Variants in SNTB1 observed in about 807,000 individuals in gnomAD.
The protein encoded by SNTB1 is beta-1-syntrophin.
Under a neutral mutation model 48.9 loss-of-function variants are expected in SNTB1, and 36 were observed. The ratio of observed to expected loss-of-function variants is 0.74; its 90% confidence interval spans 0.56 to 0.97. The LOEUF (loss-of-function observed/expected upper bound fraction) is 0.97. Ranked by LOEUF, SNTB1 falls within the 50% of genes least tolerant of loss-of-function variation. SNTB1 has a pLI of 0.00. For synonymous variants in SNTB1, 299 were observed against 294.6 expected, an observed-to-expected ratio of 1.01 and a Z score of -0.15; for missense variants, 786 against 703.4, an observed-to-expected ratio of 1.12 and a Z score of -1.33.
intron 3 of SNTB1, among the ~76,000 whole-genome samples, chr8:120,596,414 G>A (rs1039265993): frequency 3.9e-5 from 6 of 152,168 alleles, no homozygotes; most frequent in African/African-American, 9.7e-5. Context: ...GTTTACAGTG[G>A]TGTGTTAATT....
intron 1 of SNTB1, among the ~76,000 whole-genome samples, chr8:120,775,828 T>A (rs367548069): frequency 6.6e-6 from 1 of 152,074 alleles, no homozygotes; most frequent in Non-Finnish European, 1.5e-5. Flanking sequence ...CAGAGGACCA[T>A]GTAACAGGGT....
chr8:120,681,725 G>C (rs1460356058), intron 2 of SNTB1, among the ~76,000 whole-genome samples: 1 of 152,102 alleles, frequency 6.6e-6, no homozygotes, highest in Non-Finnish European at 1.5e-5. Flanking sequence ...GGTAAGGCTT[G>C]GTTCACCAAG....
intron 4 of SNTB1, among the ~76,000 whole-genome samples, chr8:120,572,645 A>G (rs1587001769): frequency 2.6e-5 from 4 of 152,116 alleles, no homozygotes; most frequent in African/African-American, 9.7e-5. Context: ...TCCCAGCACT[A>G]TGGGAGGCCG....
At chr8:120,785,335 CG>C (rs998320369) in intron 1 of SNTB1, among the ~76,000 whole-genome samples, 1 of 152,154 alleles carries the variant, frequency 6.6e-6, no homozygotes, top group Non-Finnish European at 1.5e-5. Flanking sequence ...GGTTATGGCC[CG>C]GGGCAGTTTT....
intron 1 of SNTB1, among the ~76,000 whole-genome samples, chr8:120,702,078 T>C (rs1002879465): frequency 2.0e-5 from 3 of 152,248 alleles, no homozygotes; most frequent in African/African-American, 7.2e-5. Flanking sequence ...TTGGTTTAGT[T>C]ATTAATTAAT....
intron 1 of SNTB1, among the ~76,000 whole-genome samples, chr8:120,797,163 AT>A (rs1191325084): frequency 6.6e-6 from 1 of 152,064 alleles, no homozygotes; most frequent in East Asian, 1.9e-4. Context: ...ATACAGAGTG[AT>A]AAACACACCG....
intron 3 of SNTB1, among the ~76,000 whole-genome samples, chr8:120,590,876 G>A (rs1816229767): frequency 1.3e-5 from 2 of 151,628 alleles, no homozygotes; most frequent in East Asian, 1.9e-4. Flanking sequence ...TAGTAGAGAC[G>A]GGGTTTCACC....
intron 2 of SNTB1, among the ~76,000 whole-genome samples, chr8:120,652,893 C>G (rs1817432211): frequency 6.6e-6 from 1 of 152,182 alleles, no homozygotes; most frequent in African/African-American, 2.4e-5. Flanking sequence ...CTATAGGTCT[C>G]TCTTAGAAAT....
At chr8:120,755,173 A>T (rs4871128) in intron 1 of SNTB1, among the ~76,000 whole-genome samples, 2,329 of 72,252 alleles carry the variant, frequency 0.032, 21 homozygotes, top group African/African-American at 0.12. Context: ...TGTGTGTGTG[A>T]GAGAGAGAGA....
At chr8:120,577,396 CA>C (rs1358972149) in intron 3 of SNTB1, among the ~76,000 whole-genome samples, 1 of 152,172 alleles carries the variant, frequency 6.6e-6, no homozygotes, top group African/African-American at 2.4e-5. Flanking sequence ...AACAGAACAA[CA>C]GCATCTTCAA....
chr8:120,626,028 G>A (rs948223669), intron 3 of SNTB1, among the ~76,000 whole-genome samples: 6 of 152,024 alleles, frequency 3.9e-5, no homozygotes, highest in African/African-American at 1.4e-4. Flanking sequence ...GTTTTACTAG[G>A]GCCAGGGCTA....
At chr8:120,571,249 G>A in intron 4 of SNTB1, 1 of 1,277,716 alleles carries the variant, frequency 7.8e-7, no homozygotes, top group South Asian at 1.3e-5. Context: ...ATTTCAAGAT[G>A]CTTGGGTCCA....
chr8:120,571,307 CT>C (rs1563820141), intron 4 of SNTB1: 7 of 1,288,232 alleles, frequency 5.4e-6, no homozygotes, highest in Non-Finnish European at 7.1e-6. Flanking sequence ...TCTAATCTTT[CT>C]TTGGTTTCTG....
At chr8:120,688,415 A>T (rs1818069283) in intron 2 of SNTB1, among the ~76,000 whole-genome samples, 1 of 152,210 alleles carries the variant, frequency 6.6e-6, no homozygotes, top group South Asian at 2.1e-4. Context: ...AAGCGAGCAG[A>T]TAAATATACT....
Position 120,583,560 on chromosome 8 carries a change from C to CACACACACAA in SNTB1, c.997-8336_997-8335insTTGTGTGTGT, listed in dbSNP as rs1466831833. On this transcript the variant is annotated intron_variant, in intron 3 of 6. Transcript: ENST00000517992. ...ACACACACACACACACACACACACA[C>CACACACACAA]AAAACTGGAACAGTACTATCTCTCT... Among the ~76,000 whole-genome samples, 326 of 134,808 alleles carry CACACACACAA rather than the reference C, an allele frequency of 2.4e-3. 1 individual carries two copies. The highest frequency in any genetic ancestry group is 8.6e-3 in the African/African-American group (316 of 36,700). The allele number at this position is 134,808 out of a possible 152,430, so 88.4% of individuals were successfully genotyped here. A position where few individuals can be genotyped will look rare whatever the true frequency, so the allele number is the denominator to read the frequency against.
intron 3 of SNTB1, among the ~76,000 whole-genome samples, chr8:120,630,501 T>C (rs920893828): frequency 1.5e-4 from 23 of 152,176 alleles, no homozygotes; most frequent in African/African-American, 5.6e-4. Flanking sequence ...ATTCCTGCAT[T>C]AAATCCTTTC....
chr8:120,608,629 C>T (rs970608948), intron 3 of SNTB1, among the ~76,000 whole-genome samples: 1 of 152,174 alleles, frequency 6.6e-6, no homozygotes, highest in Non-Finnish European at 1.5e-5. Context: ...GTTATTTAAC[C>T]CACTCAGTCT....
intron 3 of SNTB1, among the ~76,000 whole-genome samples, chr8:120,582,954 A>T (rs1816073853): frequency 1.3e-5 from 2 of 152,124 alleles, no homozygotes; most frequent in Admixed American, 6.5e-5. Flanking sequence ...GAAACAGGGG[A>T]CATCACTACA....
Position 120,711,047 on chromosome 8 carries a change from C to T in SNTB1, c.572-17139G>A, listed in dbSNP as rs111531194. 5.6e-3 allele frequency among the ~76,000 whole-genome samples: 849 copies of T among 152,166 alleles called. 8 individuals carry two copies. The highest frequency in any genetic ancestry group is 0.027 in the Middle Eastern group (8 of 294). On this transcript the variant is annotated intron_variant, in intron 1 of 6. Transcript: ENST00000517992. ...AAATCTTTTTGGCTTGTGCAAAAACCAAAAACCAAAACAAAACAAAACCCT... is the reference window on the plus strand; with the variant it reads ...AAATCTTTTTGGCTTGTGCAAAAACTAAAAACCAAAACAAAACAAAACCCT...
Sources: allele counts gnomAD v4.1 joint callset (sites outside exome capture counted in the v4.1 genomes callset), GRCh38; gene constraint gnomAD v4.1.1; transcripts MANE v1.5; gene names NCBI Gene and HGNC (gene_info 2026-07-23, HGNC 2026-07-21).